Variants in PBRM1 observed in about 807,000 individuals in gnomAD.
The protein encoded by PBRM1 is polybromo 1, also known as protein polybromo-1.
A neutral mutation model predicts 194.5 loss-of-function variants in PBRM1; 27 were observed. That is an observed-to-expected ratio of 0.14 (90% CI 0.10 to 0.19). PBRM1 has a LOEUF of 0.19. Among genes scored for constraint, PBRM1 ranks in the 10% least tolerant of loss-of-function variants. The pLI, the probability that PBRM1 is intolerant of heterozygous loss-of-function variation, is 1.00. For synonymous variants in PBRM1, 655 were observed against 693.2 expected (o/e 0.94, Z 0.87); for missense variants, 1,466 against 2,077.2 (o/e 0.71, Z 5.72).
chr3:52,677,289 G>A (rs879850590), intron 2 of PBRM1, among the ~76,000 whole-genome samples: 3 of 152,152 alleles, frequency 2.0e-5, no homozygotes, highest in Non-Finnish European at 4.4e-5. Context: ...TATCACCCAG[G>A]CTGGAATACA....
chr3:52,655,110 C>A (rs771828232), intron 5 of PBRM1, among the ~76,000 whole-genome samples: 1 of 151,930 alleles, frequency 6.6e-6, no homozygotes, highest in Non-Finnish European at 1.5e-5. Flanking sequence ...ATGAAATTTG[C>A]CATTTTTAAG....
rs2095602484 is a variant in PBRM1 at position 52,631,086 on chromosome 3, G to A, written c.1302-2051C>T. ...AATGAATCTCAGCCTTAATTTCCAT[G>A]TTATTTTAATAAGACCAAAAAAACT... On this transcript the variant is annotated intron_variant, in intron 11 of 29. Transcript: ENST00000296302. Among the ~76,000 whole-genome samples the A allele has an allele frequency of 4.6e-5, 7 of 152,156 alleles. No homozygotes were observed. The South Asian group carries it at 1.5e-3, about 32-fold the overall frequency.
At chr3:52,653,316 A>G (rs2096544131) in intron 5 of PBRM1, among the ~76,000 whole-genome samples, 1 of 152,088 alleles carries the variant, frequency 6.6e-6, no homozygotes, top group African/African-American at 2.4e-5. Flanking sequence ...ACGGCTGGGC[A>G]TGGTGGCTCG....
chr3:52,611,692 C>T (rs1244832310), intron 15 of PBRM1, among the ~76,000 whole-genome samples: 1 of 152,002 alleles, frequency 6.6e-6, no homozygotes, highest in Non-Finnish European at 1.5e-5. Context: ...GTAGTCCCAG[C>T]TACCCGAGAG....
At chr3:52,642,010 G>T (rs766863761) in exon 10 of PBRM1, 41 of 1,601,050 alleles carry the variant, frequency 2.6e-5, no homozygotes, top group Admixed American at 8.4e-5. Flanking sequence ...CATTGTAATT[G>T]CTGATAAACG....
chr3:52,644,862 A>G (rs1272352476), intron 7 of PBRM1, 73 bp from the exon 9 acceptor site: 1 of 663,954 alleles, frequency 1.5e-6, no homozygotes, highest in Non-Finnish European at 2.7e-6. Flanking sequence ...AACTCATGCA[A>G]TGGGCACCTT....
chr3:52,665,632 T>A (rs1303958869), intron 3 of PBRM1, among the ~76,000 whole-genome samples: 6 of 152,008 alleles, frequency 3.9e-5, no homozygotes, highest in Non-Finnish European at 7.4e-5. Flanking sequence ...CTCATAGGAG[T>A]GTGAACCCTA....
chr3:52,572,025 G>A (rs1053247493), intron 22 of PBRM1, among the ~76,000 whole-genome samples: 4 of 150,880 alleles, frequency 2.7e-5, no homozygotes, highest in African/African-American at 7.3e-5. Context: ...ATAACAAAGC[G>A]AGATCTTGTC....
chr3:52,669,872 G>C (rs2096912738), intron 2 of PBRM1, among the ~76,000 whole-genome samples: 1 of 152,066 alleles, frequency 6.6e-6, no homozygotes, highest in African/African-American at 2.4e-5. Flanking sequence ...CAGTACAGTT[G>C]ACCACTGAAC....
intron 11 of PBRM1, among the ~76,000 whole-genome samples, chr3:52,631,623 T>C (rs1488477939): frequency 1.3e-5 from 2 of 152,226 alleles, no homozygotes; most frequent in East Asian, 1.9e-4. Context: ...CCATCTCCCA[T>C]GTTCAAGTGA....
chr3:52,570,736 T>C (rs1011796795), intron 22 of PBRM1, among the ~76,000 whole-genome samples: 3 of 152,244 alleles, frequency 2.0e-5, no homozygotes, highest in South Asian at 2.1e-4. Flanking sequence ...TGGGGGGAAC[T>C]GGCATCTTTT....
At chr3:52,585,795 G>A (rs2092286666) in intron 20 of PBRM1, 1 of 152,156 alleles carries the variant, frequency 6.6e-6, no homozygotes, top group East Asian at 1.9e-4. Context: ...AAAGTGCTGG[G>A]ATTACAGGTG....
At chr3:52,685,900 G>A (rs1364410344), upstream of PBRM1, 2 of 632,982 alleles carry the variant, frequency 3.2e-6, no homozygotes, top group East Asian at 5.7e-5. Flanking sequence ...CCCTCCCGGT[G>A]CCGCCGCAAA....
At chr3:52,685,075 C>A (rs1380802847) in intron 1 of PBRM1, among the ~76,000 whole-genome samples, 1 of 152,104 alleles carries the variant, frequency 6.6e-6, no homozygotes, top group Admixed American at 6.5e-5. Flanking sequence ...AACAATTCAC[C>A]CCAACATACG....
chr3:52,617,220 C>T (rs892346853), intron 14 of PBRM1, 42 bp downstream of exon 16: 1 of 1,563,316 alleles, frequency 6.4e-7, no homozygotes. Context: ...GTACCCCTCT[C>T]CCGCAAAATG....
intron 15 of PBRM1, among the ~76,000 whole-genome samples, chr3:52,611,192 A>C (rs556344645): frequency 8.5e-5 from 13 of 152,276 alleles, no homozygotes; most frequent in East Asian, 5.8e-4. Context: ...GACACACACA[A>C]AAAAAACACT....
rs1453639705 is a variant in PBRM1 at position 52,558,110 on chromosome 3, A to G, written c.4453+139T>C. On this transcript the variant is annotated intron_variant, in intron 26 of 29. Transcript: ENST00000296302. ...GCATTGCCCATATGGGAAAGGCAATATAGGACAACATGGATGACTTCAAAC... is the reference window on the plus strand; with the variant it reads ...GCATTGCCCATATGGGAAAGGCAATGTAGGACAACATGGATGACTTCAAAC... 4 of 615,332 alleles carry G rather than the reference A, an allele frequency of 6.5e-6. No homozygotes were observed. The African/African-American group carries it at 7.4e-5, about 11-fold the overall frequency. The allele number at this position is 615,332 out of a possible 1,614,324, so 38.1% of individuals were successfully genotyped here.
chr3:52,674,917 G>A (rs1046501134), intron 2 of PBRM1, among the ~76,000 whole-genome samples: 1 of 151,816 alleles, frequency 6.6e-6, no homozygotes, highest in Non-Finnish European at 1.5e-5. Flanking sequence ...GCACTGAACT[G>A]TGATTGCCAC....
intron 17 of PBRM1, among the ~76,000 whole-genome samples, chr3:52,600,897 A>G (rs2093944806): frequency 1.3e-5 from 2 of 152,332 alleles, no homozygotes; most frequent in African/African-American, 2.4e-5. Flanking sequence ...TTGGTCTCCC[A>G]AAGTGCTGGG....
Sources: allele counts gnomAD v4.1 joint callset (sites outside exome capture counted in the v4.1 genomes callset), GRCh38; gene constraint gnomAD v4.1.1; transcripts MANE v1.5; gene names NCBI Gene and HGNC (gene_info 2026-07-23, HGNC 2026-07-21).